Variants in AOPEP observed in about 807,000 individuals in gnomAD.
AOPEP encodes aminopeptidase O (putative).
AOPEP carries 77 observed loss-of-function variants against 98.1 expected under a neutral mutation model. The ratio of observed to expected loss-of-function variants is 0.78; its 90% CI spans 0.65 to 0.95. AOPEP has a LOEUF of 0.95. Among genes scored for constraint, AOPEP ranks in the 40% least tolerant of loss-of-function variants. The pLI, the probability that AOPEP is intolerant of heterozygous loss-of-function variation, is 0.00. For missense variants in AOPEP, 1,024 were observed against 1,024.7 expected (o/e 1.00, Z 0.01); for synonymous variants, 346 against 365.3 (o/e 0.95, Z 0.60).
the AOPEP span, among the ~76,000 whole-genome samples, chr9:95,103,562 C>T: frequency 6.6e-6 from 1 of 152,180 alleles, no homozygotes; most frequent in Non-Finnish European, 1.5e-5. Context: ...CTCCTGCAGG[C>T]ACAAGTGAGG....
intron 1 of AOPEP, among the ~76,000 whole-genome samples, chr9:94,748,252 T>C (rs922228749): frequency 1.3e-4 from 20 of 152,174 alleles, no homozygotes; most frequent in African/African-American, 4.8e-4. Flanking sequence ...TCTGTGTCGT[T>C]GTTCCTCTGT....
chr9:94,791,361 G>A (rs1243570668), intron 3 of AOPEP, among the ~76,000 whole-genome samples: 4 of 151,926 alleles, frequency 2.6e-5, no homozygotes, highest in Admixed American at 6.6e-5. Flanking sequence ...TGGGAGGAGG[G>A]TGAGGACAGA....
chr9:94,866,239 T>G (rs939556735), intron 5 of AOPEP, among the ~76,000 whole-genome samples: 2 of 152,210 alleles, frequency 1.3e-5, no homozygotes, highest in Non-Finnish European at 2.9e-5. Flanking sequence ...TTCTGAAGAA[T>G]CATTTAAATA....
intron 13 of AOPEP, among the ~76,000 whole-genome samples, chr9:95,060,361 T>G (rs2067220995): frequency 6.6e-6 from 1 of 152,248 alleles, no homozygotes; most frequent in East Asian, 1.9e-4. Context: ...TTACATTTTC[T>G]GGTGTATGCG....
intron 5 of AOPEP, among the ~76,000 whole-genome samples, chr9:94,897,909 G>A (rs1218204054): frequency 1.3e-5 from 2 of 148,176 alleles, no homozygotes; most frequent in South Asian, 2.1e-4. Flanking sequence ...GCACTATCTC[G>A]GCTCACTGCA....
chr9:95,023,410 G>A (rs2063609945), intron 13 of AOPEP, among the ~76,000 whole-genome samples: 1 of 152,224 alleles, frequency 6.6e-6, no homozygotes. Context: ...CCAGCCACAG[G>A]TGCAGAGGAC....
chr9:94,993,654 C>T (rs1460173965), intron 11 of AOPEP, among the ~76,000 whole-genome samples: 4 of 152,094 alleles, frequency 2.6e-5, no homozygotes, highest in East Asian at 3.9e-4. Context: ...CTTTGTAGGC[C>T]GAGGGGAGTT....
At position 95,086,921 on chromosome 9, in the gene AOPEP, T is replaced by G; in HGVS notation, c.*244T>G. The G allele has an allele frequency of 4.0e-6, 4 of 987,730 alleles. No individual in the cohort carries two copies. The highest frequency in any genetic ancestry group is 4.8e-6 in the Non-Finnish European group (4 of 830,064). The allele number at this position is 987,730 out of a possible 1,614,324, so 61.2% of individuals were successfully genotyped here. On this transcript the variant is annotated 3_prime_UTR_variant, in exon 17 of 17. Transcript: ENST00000375315. ...GCTGCCTCCTGCCCTGGATCTGGAGTGGAGCTGCTCTGAGATTTTGAGTTC... is the reference window on the plus strand; with the variant it reads ...GCTGCCTCCTGCCCTGGATCTGGAGGGGAGCTGCTCTGAGATTTTGAGTTC...
chr9:95,103,549 G>A, the AOPEP span, among the ~76,000 whole-genome samples: 2 of 152,186 alleles, frequency 1.3e-5, no homozygotes, highest in Non-Finnish European at 2.9e-5. Flanking sequence ...GCTCTGTGCC[G>A]GCCTCCTGCA....
chr9:94,923,418 C>T (rs924668647), intron 5 of AOPEP, among the ~76,000 whole-genome samples: 5 of 152,144 alleles, frequency 3.3e-5, no homozygotes, highest in Non-Finnish European at 7.4e-5. Context: ...TACACGGTCT[C>T]GGCCTTTATT....
intron 13 of AOPEP, among the ~76,000 whole-genome samples, chr9:95,039,759 C>CATTT (rs1454442743): frequency 2.0e-5 from 3 of 152,094 alleles, no homozygotes; most frequent in Non-Finnish European, 4.4e-5. Context: ...TTCATTCATT[C>CATTT]ATTCATTCAC....
chr9:95,097,585 C>G, the AOPEP span, among the ~76,000 whole-genome samples: 9 of 152,370 alleles, frequency 5.9e-5, no homozygotes, highest in Admixed American at 2.6e-4. Context: ...TCACACCAGG[C>G]CTCATCAGCC....
chr9:95,024,091 TA>T (rs2063662529), intron 13 of AOPEP, among the ~76,000 whole-genome samples: 1 of 152,196 alleles, frequency 6.6e-6, no homozygotes, highest in Non-Finnish European at 1.5e-5. Context: ...TTGAATTTTT[TA>T]TGGGAAAAGA....
chr9:94,800,671 A>G, intron 4 of AOPEP, 86 bp from the exon 5 acceptor site: 1 of 1,452,612 alleles, frequency 6.9e-7, no homozygotes, highest in Non-Finnish European at 9.5e-7. Context: ...TCTGTCTCCT[A>G]AAAGTTGTCT....
intron 5 of AOPEP, among the ~76,000 whole-genome samples, chr9:94,825,754 C>T (rs1382436376): frequency 1.3e-5 from 2 of 152,132 alleles, no homozygotes; most frequent in Non-Finnish European, 2.9e-5. Context: ...TTACAGGGCG[C>T]CCATCGGCAT....
chr9:95,078,803 A>C (rs1227366594), intron 14 of AOPEP, among the ~76,000 whole-genome samples: 2 of 152,166 alleles, frequency 1.3e-5, no homozygotes, highest in African/African-American at 2.4e-5. Context: ...GTTGGAAGAG[A>C]GATGAGGGAC....
At chr9:94,993,254 T>G (rs944271850) in intron 11 of AOPEP, among the ~76,000 whole-genome samples, 14 of 152,192 alleles carry the variant, frequency 9.2e-5, no homozygotes, top group Admixed American at 7.9e-4. Context: ...AGATACATTT[T>G]GAGACATAGA....
rs148780122 is a variant in AOPEP, at chr9:94,884,074, A to G, written c.1365-39912A>G. On this transcript the variant is annotated intron_variant, in intron 5 of 16. Coordinates refer to ENST00000375315, the MANE Select transcript of AOPEP (RefSeq NM_001193329.3). Reference sequence around the variant, plus strand: ...CTGCTTCATGCGCACCTGCCTTGGAAGGCAGAGAGCTGCTTGGACCTGCCC... The same window carrying G: ...CTGCTTCATGCGCACCTGCCTTGGAGGGCAGAGAGCTGCTTGGACCTGCCC... Among the ~76,000 whole-genome samples, 106 of 152,364 alleles carry G rather than the reference A, an allele frequency of 7.0e-4. 2 individuals are homozygous for G. Among genetic ancestry groups the G allele is most frequent in the African/African-American group, 2.5e-3 (102 of 41,580 alleles).
chr9:95,112,421 A>G, the AOPEP span, among the ~76,000 whole-genome samples: 1 of 152,118 alleles, frequency 6.6e-6, no homozygotes, highest in African/African-American at 2.4e-5. Context: ...CCCAAGCTCT[A>G]AGCACTGTCC....
Sources: gnomAD v4.1 joint callset for allele counts (sites outside exome capture counted in the v4.1 genomes callset) on GRCh38, gnomAD v4.1.1 for gene constraint, MANE v1.5 for transcripts, NCBI Gene and HGNC (gene_info 2026-07-23, HGNC 2026-07-21) for gene names.